Variants in NXNL1 observed in about 807,000 individuals in gnomAD.
NXNL1 encodes nucleoredoxin-like protein 1.
A neutral mutation model predicts 7.2 loss-of-function variants in NXNL1; 6 were observed. The ratio of observed to expected loss-of-function variants is 0.83; its 90% CI spans 0.46 to 1.64. The LOEUF is 1.64. NXNL1 is among the 40% of genes most tolerant of loss of function. The pLI, the probability that NXNL1 is intolerant of heterozygous loss-of-function variation, is 0.01. For missense variants in NXNL1, 308 were observed against 285.1 expected (o/e 1.08, Z -0.58); for synonymous variants, 133 against 127.2 (o/e 1.05, Z -0.31).
chr19:17,460,618 CT>C lies in NXNL1; in HGVS notation c.251del (p.Glu84GlyfsTer24). On this transcript the variant is annotated frameshift_variant, in exon 1 of 2. Transcript: ENST00000301944. LOFTEE classifies it high-confidence loss of function. ...CCTTGAGGAACAGGTCCTGCTGCTC[CT>C]CCGTGGAGTCCTGGGACACGTACAC... ...ALVYVSQDST[E>X]EQQDLFLKDM... The C allele has an allele frequency of 6.2e-7, 1 of 1,611,150 alleles. No individual in the cohort carries two copies. The highest frequency in any genetic ancestry group is 8.5e-7 in the Non-Finnish European group (1 of 1,180,022).
rs1217970460 is a variant in NXNL1 at position 17,455,446 on chromosome 19, G to T, written c.*201C>A. ...AGCCTTCAGGGTAGCTAAGCCACAGGTGCGCGCCACCACACCGGGCTAACT... is the reference window on the plus strand; with the variant it reads ...AGCCTTCAGGGTAGCTAAGCCACAGTTGCGCGCCACCACACCGGGCTAACT... On this transcript the variant is annotated 3_prime_UTR_variant, in exon 2 of 2. Coordinates refer to ENST00000301944, the MANE Select transcript of NXNL1 (RefSeq NM_138454.2). 5.2e-6 allele frequency: 3 copies of T among 579,580 alleles called. No individual in the cohort carries two copies. Among genetic ancestry groups the T allele is most frequent in the Non-Finnish European group, 9.2e-6 (3 of 326,816 alleles). The allele number at this position is 579,580 out of a possible 1,614,324, so 35.9% of individuals were successfully genotyped here.
At chr19:17,456,233 C>T (rs1409565764) in intron 1 of NXNL1, among the ~76,000 whole-genome samples, 1 of 151,720 alleles carries the variant, frequency 6.6e-6, no homozygotes, top group East Asian at 1.9e-4. Context: ...AGGCTAAGAC[C>T]CTGTAGTATG....
At chr19:17,456,125 G>A (rs887190389) in intron 1 of NXNL1, among the ~76,000 whole-genome samples, 166 bp from the exon 2 acceptor site, 7 of 151,972 alleles carry the variant, frequency 4.6e-5, no homozygotes, top group Non-Finnish European at 8.8e-5. Flanking sequence ...AGACACTTTG[G>A]TCCCCGCGCT....
chr19:17,458,641 G>A (rs1274063205), intron 1 of NXNL1, among the ~76,000 whole-genome samples: 2 of 122,508 alleles, frequency 1.6e-5, no homozygotes, highest in African/African-American at 3.2e-5. Context: ...TTGCTCTGTC[G>A]CTCAGCCTGG....
In NXNL1 at chr19:17,455,721, C is replaced by T; in HGVS notation, c.565G>A (p.Glu189Lys). 1 of 1,194,494 alleles carries T rather than the reference C, an allele frequency of 8.4e-7. No individual in the cohort carries two copies. Among genetic ancestry groups the T allele is most frequent in the Non-Finnish European group, 1.1e-6 (1 of 938,652 alleles). 74.0% of individuals were successfully genotyped at this position (1,194,494 alleles called of 1,614,324 possible). A position where few individuals can be genotyped will look rare whatever the true frequency, so the allele number is the denominator to read the frequency against. The change falls in exon 2 of 2, where the codon GAA becomes AAA. Residue 189 changes from glutamate (E) to lysine (K), a missense_variant. By Grantham distance (56) the Glu-to-Lys change is moderately conservative. Coordinates refer to ENST00000301944, the MANE Select transcript of NXNL1 (RefSeq NM_138454.2). ...TCGCGCCCGCCTCGCGCCGCCTTTTCCACGCGGTACTTGTGGCGGCGCAGG... is the reference window on the plus strand; with the variant it reads ...TCGCGCCCGCCTCGCGCCGCCTTTTTCACGCGGTACTTGTGGCGGCGCAGG... ...ECLRRHKYRV[E>K]KAARGGRDPG... is the part of the protein sequence containing the mutation.
At chr19:17,456,605 G>A (rs568208169) in intron 1 of NXNL1, among the ~76,000 whole-genome samples, 78 of 152,152 alleles carry the variant, frequency 5.1e-4, no homozygotes, top group African/African-American at 9.4e-4. Context: ...CTGCTTGGCC[G>A]GCGTGGTGGC....
At chr19:17,458,142 G>A (rs566568551) in intron 1 of NXNL1, among the ~76,000 whole-genome samples, 3 of 151,906 alleles carry the variant, frequency 2.0e-5, no homozygotes, top group Admixed American at 6.6e-5. Flanking sequence ...TAACAATTGC[G>A]ATGGGTTTCA....
At chr19:17,458,712 G>A (rs1425955401) in intron 1 of NXNL1, among the ~76,000 whole-genome samples, 8 of 144,858 alleles carry the variant, frequency 5.5e-5, no homozygotes, top group Admixed American at 2.2e-4. Flanking sequence ...AGCGATTCTC[G>A]TGCTTCAGCC....
intron 1 of NXNL1, among the ~76,000 whole-genome samples, chr19:17,459,663 T>A (rs1242724896): frequency 6.6e-6 from 1 of 151,824 alleles, no homozygotes; most frequent in Non-Finnish European, 1.5e-5. Context: ...GGTGATCTGC[T>A]CACCTTGGCC....
intron 1 of NXNL1, 52 bp downstream of exon 1, chr19:17,460,492 C>T: frequency 6.3e-7 from 1 of 1,575,972 alleles, no homozygotes; most frequent in Non-Finnish European, 8.6e-7. Context: ...GGATGCTTCA[C>T]TTTCAGCGAA....
rs796402054 is a variant in NXNL1, at chr19:17,457,043, TCAACAACAA to T, written c.327-1093_327-1085del. 2.0e-5 allele frequency among the ~76,000 whole-genome samples: 3 copies of T among 147,842 alleles called. No individual in the cohort carries two copies. The South Asian group carries it at 6.4e-4, about 31-fold the overall frequency. On this transcript the variant is annotated intron_variant, in intron 1 of 1. Coordinates refer to ENST00000301944, the MANE Select transcript of NXNL1 (RefSeq NM_138454.2). The stretch of plus-strand genomic sequence containing the variant: ...CCAGCCTGGGCGAAGATACTCCATC[TCAACAACAA>T]CAACAACAACAAACAACATATATAT...
chr19:17,455,663 G>GCGC lies in NXNL1; in HGVS notation c.622_623insGCG (p.Gly207dup). On this transcript the variant is annotated inframe_insertion, in exon 2 of 2. Transcript: ENST00000301944. ...CCTAGCGGGTCAGAACAGCCCCCCG[G>GCGC]CCCCGCCCTCCTCCCCACCCCCTCC... The GCGC allele has an allele frequency of 9.1e-6, 7 of 771,712 alleles. No homozygotes were observed. Among genetic ancestry groups the GCGC allele is most frequent in the Non-Finnish European group, 1.3e-5 (6 of 464,462 alleles). 47.8% of individuals were successfully genotyped at this position (771,712 alleles called of 1,614,324 possible). A position where few individuals can be genotyped will look rare whatever the true frequency, so the allele number is the denominator to read the frequency against.
intron 1 of NXNL1, among the ~76,000 whole-genome samples, chr19:17,457,970 G>C (rs1434521754): frequency 6.6e-6 from 1 of 152,104 alleles, no homozygotes; most frequent in Non-Finnish European, 1.5e-5. Flanking sequence ...ATGACATTGG[G>C]AAAATGTCAT....
At chr19:17,458,167 C>A (rs2074999618) in intron 1 of NXNL1, among the ~76,000 whole-genome samples, 1 of 151,082 alleles carries the variant, frequency 6.6e-6, no homozygotes, top group Admixed American at 6.6e-5. Flanking sequence ...ACACTTCTTT[C>A]AACTTTTTGC....
At chr19:17,457,980 T>C (rs1369312550) in intron 1 of NXNL1, among the ~76,000 whole-genome samples, 1 of 152,192 alleles carries the variant, frequency 6.6e-6, no homozygotes, top group Non-Finnish European at 1.5e-5. Context: ...GAAAATGTCA[T>C]GAAGTCTGCA....
In NXNL1 at chr19:17,455,663, G is replaced by GGCCCCCCCCCCCCCC; in HGVS notation, c.622_623insGGGGGGGGGGGGGGC (p.Ala208delinsGlyGlyGlyGlyGlyPro). The GGCCCCCCCCCCCCCC allele has an allele frequency of 5.2e-6, 4 of 771,708 alleles. No individual in the cohort carries two copies. The highest frequency in any genetic ancestry group is 2.3e-5 in the Admixed American group (1 of 44,054). The allele number at this position is 771,708 out of a possible 1,614,324, so 47.8% of individuals were successfully genotyped here. A position where few individuals can be genotyped will look rare whatever the true frequency, so the allele number is the denominator to read the frequency against. ...CCTAGCGGGTCAGAACAGCCCCCCG[G>GGCCCCCCCCCCCCCC]CCCCGCCCTCCTCCCCACCCCCTCC... On this transcript the variant is annotated protein_altering_variant, in exon 2 of 2. Coordinates refer to ENST00000301944, the MANE Select transcript of NXNL1 (RefSeq NM_138454.2).
Position 17,455,695 on chromosome 19 carries a change from GT to G in NXNL1, c.590del (p.Asp197AlafsTer67). The G allele has an allele frequency of 2.1e-6, 3 of 1,404,878 alleles. No homozygotes were observed. Among genetic ancestry groups the G allele is most frequent in the Non-Finnish European group, 1.9e-6 (2 of 1,063,418 alleles). 87.0% of individuals were successfully genotyped at this position (1,404,878 alleles called of 1,614,324 possible). On this transcript the variant is annotated frameshift_variant, in exon 2 of 2. Coordinates refer to ENST00000301944, the MANE Select transcript of NXNL1 (RefSeq NM_138454.2). LOFTEE classifies it low-confidence loss of function (END_TRUNC). The part of the protein sequence containing the change: ...RVEKAARGGR[D>X]PGGGGGEEGG... ...CCTCCTCCCCACCCCCTCCCCCGGG[GT>G]CGCGCCCGCCTCGCGCCGCCTTTTC...
intron 1 of NXNL1, 85 bp from the exon 2 acceptor site, chr19:17,456,044 G>C (rs915171516): frequency 7.0e-6 from 11 of 1,563,314 alleles, no homozygotes; most frequent in Non-Finnish European, 9.5e-6. Flanking sequence ...CCAGTACTTA[G>C]GCAGCGCCTT....
intron 1 of NXNL1, among the ~76,000 whole-genome samples, chr19:17,459,541 G>C (rs911696162): frequency 1.3e-5 from 2 of 151,088 alleles, no homozygotes; most frequent in African/African-American, 4.9e-5. Flanking sequence ...CCTCAGCCTC[G>C]CAAGTAGCTG....
Sources: gnomAD v4.1 joint callset for allele counts (sites outside exome capture counted in the v4.1 genomes callset) on GRCh38, gnomAD v4.1.1 for gene constraint, MANE v1.5 for transcripts, NCBI Gene and HGNC (gene_info 2026-07-23, HGNC 2026-07-21) for gene names.